RASAL2: variants seen among roughly 807,000 people sequenced by gnomAD.
The protein encoded by RASAL2 is RAS protein activator like 2.
A neutral mutation model predicts 128.9 loss-of-function variants in RASAL2; 58 were observed. The observed-to-expected ratio is 0.45, with a 90% CI of 0.36 to 0.56. The LOEUF (loss-of-function observed/expected upper bound fraction) is 0.56. Ranked by LOEUF, RASAL2 falls within the 20% of genes least tolerant of loss-of-function variation. The pLI, the probability that RASAL2 is intolerant of heterozygous loss-of-function variation, is 0.00. For synonymous variants in RASAL2, 561 were observed against 580.8 expected (o/e 0.97, Z 0.49); for missense variants, 1,360 against 1,601.6 (o/e 0.85, Z 2.57).
chr1:178,283,725 C>T (rs1462545324), intron 2 of RASAL2, 34 bp downstream of exon 2: 1 of 1,600,708 alleles, frequency 6.2e-7, no homozygotes, highest in Non-Finnish European at 8.5e-7. Context: ...AGTTAGTTTC[C>T]TTTTCTGAGT....
intron 1 of RASAL2, among the ~76,000 whole-genome samples, chr1:178,153,970 G>T (rs1015505328): frequency 8.6e-5 from 13 of 151,868 alleles, no homozygotes; most frequent in Non-Finnish European, 1.5e-4. Context: ...TGAGTAGCTG[G>T]GATTATAGGC....
intron 14 of RASAL2, among the ~76,000 whole-genome samples, chr1:178,458,961 A>G (rs1677984289): frequency 6.6e-6 from 1 of 152,200 alleles, no homozygotes; most frequent in African/African-American, 2.4e-5. Flanking sequence ...CCGAGCCAAG[A>G]GTTTAATATG....
chr1:178,351,868 T>C (rs1427945071), intron 3 of RASAL2, among the ~76,000 whole-genome samples: 1 of 152,216 alleles, frequency 6.6e-6, no homozygotes, highest in African/African-American at 2.4e-5. Flanking sequence ...TTTTCCCATT[T>C]AGAAAACAAA....
chr1:178,340,907 T>C lies in RASAL2; in HGVS notation c.457+40789T>C, dbSNP rs987817049. 2.6e-5 allele frequency among the ~76,000 whole-genome samples: 4 copies of C among 151,938 alleles called. No homozygotes were observed. In the South Asian group the frequency reaches 8.3e-4, roughly 32 times the overall value. On this transcript the variant is annotated intron_variant, in intron 3 of 17. Transcript: ENST00000367649. ...ATTAAATATTTTTTAAAAATAACTT[T>C]TAAAAAATGAAGTTCTAGCCTAAGA...
At chr1:178,256,105 T>A (rs1344695528) in intron 1 of RASAL2, among the ~76,000 whole-genome samples, 1 of 152,118 alleles carries the variant, frequency 6.6e-6, no homozygotes, top group African/African-American at 2.4e-5. Flanking sequence ...TAGAGGGGCA[T>A]CCTCAATAAA....
At chr1:178,360,813 T>C (rs1377013099) in intron 3 of RASAL2, among the ~76,000 whole-genome samples, 1 of 152,228 alleles carries the variant, frequency 6.6e-6, no homozygotes, top group Non-Finnish European at 1.5e-5. Context: ...AGTGGGTTGC[T>C]GGCAATGTTT....
intron 3 of RASAL2, among the ~76,000 whole-genome samples, chr1:178,324,834 T>C (rs924455872): frequency 6.6e-6 from 1 of 152,020 alleles, no homozygotes; most frequent in African/African-American, 2.4e-5. Flanking sequence ...TGGTGGAAAA[T>C]CTAGTTTAAT....
chr1:178,277,744 C>G (rs1666594545), intron 1 of RASAL2, among the ~76,000 whole-genome samples: 1 of 152,178 alleles, frequency 6.6e-6, no homozygotes, highest in African/African-American at 2.4e-5. Flanking sequence ...AAGACCTTCC[C>G]TATTCAGATA....
intron 16 of RASAL2, 143 bp from the exon 17 acceptor site, chr1:178,467,190 CT>C: frequency 1.5e-6 from 1 of 650,074 alleles, no homozygotes; most frequent in Non-Finnish European, 2.7e-6. Context: ...CCTTAGATGT[CT>C]TATTCCAAGG....
At chr1:178,334,674 A>C (rs557260202) in intron 3 of RASAL2, among the ~76,000 whole-genome samples, 1 of 152,322 alleles carries the variant, frequency 6.6e-6, no homozygotes, top group Admixed American at 6.5e-5. Flanking sequence ...AATGCATGTC[A>C]TTACATAGGA....
At chr1:178,220,481 A>G (rs1663576947) in intron 1 of RASAL2, among the ~76,000 whole-genome samples, 1 of 152,240 alleles carries the variant, frequency 6.6e-6, no homozygotes, top group African/African-American at 2.4e-5. Context: ...TACAATAGTA[A>G]TGAAAAATTT....
chr1:178,325,082 T>G (rs550088570), intron 3 of RASAL2, among the ~76,000 whole-genome samples: 1 of 152,348 alleles, frequency 6.6e-6, no homozygotes, highest in South Asian at 2.1e-4. Context: ...TTAACATGTT[T>G]CCTCATTTTG....
intron 1 of RASAL2, among the ~76,000 whole-genome samples, chr1:178,199,889 G>A (rs573929643): frequency 1.8e-4 from 27 of 152,118 alleles, no homozygotes; most frequent in Admixed American, 5.9e-4. Flanking sequence ...AGCTGCCAGC[G>A]TGGCCAGAAT....
At chr1:178,223,972 G>A (rs993190401) in intron 1 of RASAL2, among the ~76,000 whole-genome samples, 10 of 152,124 alleles carry the variant, frequency 6.6e-5, no homozygotes, top group Non-Finnish European at 1.2e-4. Context: ...GGTTTTATAC[G>A]TTTTGAACTT....
chr1:178,198,840 C>G (rs1662764686), intron 1 of RASAL2, among the ~76,000 whole-genome samples: 1 of 152,198 alleles, frequency 6.6e-6, no homozygotes, highest in Non-Finnish European at 1.5e-5. Flanking sequence ...AGAACTACTG[C>G]TCTCTTCAGA....
At chr1:178,466,389 G>A (rs774006184) in intron 16 of RASAL2, among the ~76,000 whole-genome samples, 5 of 152,090 alleles carry the variant, frequency 3.3e-5, no homozygotes, top group Non-Finnish European at 4.4e-5. Flanking sequence ...AGGAGAACTC[G>A]GTTTTAAAAA....
intron 4 of RASAL2, among the ~76,000 whole-genome samples, chr1:178,407,582 A>C (rs976234664): frequency 6.6e-6 from 1 of 152,186 alleles, no homozygotes; most frequent in African/African-American, 2.4e-5. Flanking sequence ...GCATTTTCTT[A>C]CTGTGAATCA....
At chr1:178,232,810 T>A (rs1664064809) in intron 1 of RASAL2, among the ~76,000 whole-genome samples, 1 of 152,228 alleles carries the variant, frequency 6.6e-6, no homozygotes, top group South Asian at 2.1e-4. Context: ...TTTCTTCTTC[T>A]GGAAAGTATC....
chr1:178,337,856 C>T lies in RASAL2; in HGVS notation c.457+37738C>T, dbSNP rs539818075. Among the ~76,000 whole-genome samples, 5 of 151,900 alleles carry T rather than the reference C, an allele frequency of 3.3e-5. No individual in the cohort carries two copies. In the South Asian group the frequency reaches 6.2e-4, roughly 19 times the overall value. ...AAGCGATTCTCCTGCCTCAACCTCCCGAGTAGCCGAGATTATAGGCGCCTG... is the reference window on the plus strand; with the variant it reads ...AAGCGATTCTCCTGCCTCAACCTCCTGAGTAGCCGAGATTATAGGCGCCTG... On this transcript the variant is annotated intron_variant, in intron 3 of 17. Transcript: ENST00000367649.
Sources: allele counts gnomAD v4.1 joint callset (sites outside exome capture counted in the v4.1 genomes callset), GRCh38; gene constraint gnomAD v4.1.1; transcripts MANE v1.5; gene names NCBI Gene and HGNC (gene_info 2026-07-23, HGNC 2026-07-21).